The following MYOM2 variants were observed in gnomAD, a reference collection of about 807,000 sequenced individuals.
The protein encoded by MYOM2 is myomesin 2.
Under a neutral mutation model 187.6 loss-of-function variants are expected in MYOM2, and 254 were observed. The observed-to-expected ratio is 1.35, with a 90% CI of 1.22 to 1.50. The LOEUF is 1.50. Among genes scored for constraint, MYOM2 ranks in the 40% most tolerant of loss-of-function variants. MYOM2 has a pLI of 0.00. For synonymous variants in MYOM2, 981 were observed against 753.8 expected, an observed-to-expected ratio of 1.30 and a Z score of -4.94; for missense variants, 2,796 against 1,924.0, an observed-to-expected ratio of 1.45 and a Z score of -8.48.
Position 2,123,617 on chromosome 8 carries a change from G to T in MYOM2, c.3630G>T (p.Val1210=), listed in dbSNP as rs149796743. The T allele has an allele frequency of 1.7e-5, 27 of 1,614,054 alleles. No individual in the cohort carries two copies. Among genetic ancestry groups the T allele is most frequent in the African/African-American group, 2.7e-5 (2 of 74,938 alleles). Residue 1210 remains valine (V), a synonymous_variant, in exon 30 of 37, where the codon GTG becomes GTT. Coordinates refer to ENST00000262113, the MANE Select transcript of MYOM2 (RefSeq NM_003970.4). The stretch of plus-strand genomic sequence containing the variant: ...TGAAAGATGACAGAGGCCAAGATGT[G>T]TCCATCCTTGAAATAGCTGGCAAAG... The part of the protein sequence containing the change: ...ATLKDDRGQD[V]SILEIAGKVY...
chr8:2,143,513 C>G, intron 36 of MYOM2, 57 bp downstream of exon 36: 1 of 1,601,742 alleles, frequency 6.2e-7, no homozygotes, highest in Non-Finnish European at 8.6e-7. Flanking sequence ...ATGGACGCAA[C>G]CCCTTCTCTT....
chr8:2,081,634 A>C (rs1217691317), intron 13 of MYOM2, among the ~76,000 whole-genome samples: 3 of 152,212 alleles, frequency 2.0e-5, no homozygotes. Flanking sequence ...GGCCATTGAG[A>C]AGAGCACTGG....
Position 2,059,260 on chromosome 8 carries a change from G to C in MYOM2, c.653+15G>C. 1 of 1,611,832 alleles carries C rather than the reference G, an allele frequency of 6.2e-7. No individual in the cohort carries two copies. On this transcript the variant is annotated intron_variant, in intron 6 of 36. Transcript: ENST00000262113. Reference sequence around the variant, plus strand: ...GAGATCAACAGGTATGGCTGTGGTGGGGGCTCTGGACGCTGGCGTCCAGTA... The same window carrying C: ...GAGATCAACAGGTATGGCTGTGGTGCGGGCTCTGGACGCTGGCGTCCAGTA...
intron 28 of MYOM2, chr8:2,119,517 G>C (rs903793906): frequency 3.3e-5 from 5 of 153,442 alleles, no homozygotes; most frequent in Non-Finnish European, 5.8e-5. Flanking sequence ...GAGGCAGCAC[G>C]GGCTGGGTGC....
At chr8:2,107,761 G>A (rs74967741) in intron 23 of MYOM2, among the ~76,000 whole-genome samples, 3,090 of 152,316 alleles carry the variant, frequency 0.02, 38 homozygotes, top group Non-Finnish European at 0.024. Flanking sequence ...AGCAGCCTCT[G>A]TTGGCCCTGC....
intron 32 of MYOM2, 39 bp downstream of exon 32, chr8:2,129,271 T>TG: frequency 6.9e-7 from 1 of 1,451,922 alleles, no homozygotes; most frequent in Non-Finnish European, 9.7e-7. Context: ...ATGCCATAGA[T>TG]GGGGCTGTCC....
intron 20 of MYOM2, 90 bp downstream of exon 20, chr8:2,101,144 G>C: frequency 7.5e-7 from 1 of 1,334,892 alleles, no homozygotes; most frequent in East Asian, 2.5e-5. Context: ...TCAGGAGTTC[G>C]AAACCAGCCT....
chr8:2,132,591 C>G (rs796831507), intron 32 of MYOM2, among the ~76,000 whole-genome samples: 2 of 114,866 alleles, frequency 1.7e-5, no homozygotes, highest in Non-Finnish European at 3.2e-5. Flanking sequence ...TTCTCTCTCT[C>G]TCTCTCTTTT....
intron 32 of MYOM2, among the ~76,000 whole-genome samples, chr8:2,132,300 A>G (rs967581153): frequency 6.7e-5 from 10 of 148,686 alleles, no homozygotes; most frequent in African/African-American, 2.6e-4. Context: ...TGAAATGCGG[A>G]CGTAAGCAAA....
chr8:2,095,104 T>A (rs903677495), intron 17 of MYOM2, among the ~76,000 whole-genome samples: 44 of 152,198 alleles, frequency 2.9e-4, no homozygotes, highest in African/African-American at 1.0e-3. Context: ...TTTCAGAAAT[T>A]AAAATTTATC....
At chr8:2,079,422 C>A in intron 12 of MYOM2, 138 bp from the exon 13 acceptor site, 1 of 808,928 alleles carries the variant, frequency 1.2e-6, no homozygotes, top group Admixed American at 1.8e-5. Context: ...CTTCCAGAAT[C>A]AGCTCTGATG....
At chr8:2,135,769 T>C (rs758754426) in intron 32 of MYOM2, among the ~76,000 whole-genome samples, 3 of 152,200 alleles carry the variant, frequency 2.0e-5, no homozygotes, top group Non-Finnish European at 4.4e-5. Flanking sequence ...AATTTTAATA[T>C]CCCTATATGT....
chr8:2,107,717 G>C (rs879880891), intron 23 of MYOM2, among the ~76,000 whole-genome samples: 13 of 152,114 alleles, frequency 8.5e-5, no homozygotes, highest in Non-Finnish European at 1.9e-4. Flanking sequence ...AGGCAGGGTG[G>C]GGAAGGACCC....
intron 2 of MYOM2, among the ~76,000 whole-genome samples, chr8:2,051,808 G>A (rs1818499071): frequency 6.6e-6 from 1 of 152,148 alleles, no homozygotes; most frequent in South Asian, 2.1e-4. Context: ...ACAGGCTTGG[G>A]TTTGCCTGTG....
chr8:2,087,649 C>T (rs569760721), intron 14 of MYOM2, among the ~76,000 whole-genome samples: 2 of 152,278 alleles, frequency 1.3e-5, no homozygotes, highest in African/African-American at 4.8e-5. Flanking sequence ...CTCATTTTGT[C>T]ACTCAGGCTA....
intron 6 of MYOM2, among the ~76,000 whole-genome samples, chr8:2,064,403 G>A (rs967364993): frequency 1.3e-5 from 2 of 152,350 alleles, no homozygotes; most frequent in East Asian, 3.9e-4. Flanking sequence ...GGGTGACCGC[G>A]AGCTCCTTAG....
Position 2,073,352 on chromosome 8 carries a change from A to AG in MYOM2, c.973dup (p.Glu325GlyfsTer52), listed in dbSNP as rs748465765. ...ACGCTCTTTCAGACGTGCTGTTGAA[A>AG]GAGTCCAAGTGGACGAAGATGTTCT... On this transcript the variant is annotated frameshift_variant, in exon 10 of 37. Coordinates refer to ENST00000262113, the MANE Select transcript of MYOM2 (RefSeq NM_003970.4). LOFTEE classifies it high-confidence loss of function. The AG allele has an allele frequency of 5.6e-6, 9 of 1,608,088 alleles. No homozygotes were observed. The African/African-American group carries it at 1.2e-4, about 22-fold the overall frequency.
At chr8:2,135,034 A>G (rs1463460798) in intron 32 of MYOM2, among the ~76,000 whole-genome samples, 3 of 152,162 alleles carry the variant, frequency 2.0e-5, no homozygotes, top group Admixed American at 6.5e-5. Context: ...CCGTCTGTGT[A>G]CTAGAATCTG....
At chr8:2,090,621 C>T (rs892310107) in intron 15 of MYOM2, among the ~76,000 whole-genome samples, 9 of 152,150 alleles carry the variant, frequency 5.9e-5, no homozygotes, top group African/African-American at 1.9e-4. Flanking sequence ...CTCCCTCCTC[C>T]CACCCTAGAC....
Sources: allele counts gnomAD v4.1 joint callset (sites outside exome capture counted in the v4.1 genomes callset), GRCh38; gene constraint gnomAD v4.1.1; transcripts MANE v1.5; gene names NCBI Gene and HGNC (gene_info 2026-07-23, HGNC 2026-07-21).